KSR1: variants seen among roughly 807,000 people sequenced by gnomAD.
The protein encoded by KSR1 is kinase suppressor of ras.
In KSR1, 35 loss-of-function variants were observed where a neutral mutation model predicts 92.9. The ratio of observed to expected loss-of-function variants is 0.38; its 90% CI spans 0.29 to 0.50. The LOEUF is 0.50. KSR1 is among the 20% of genes least tolerant of loss of function. The pLI, the probability that KSR1 is intolerant of heterozygous loss-of-function variation, is 0.94. For synonymous variants in KSR1, 467 were observed against 472.6 expected (o/e 0.99, Z 0.15); for missense variants, 972 against 1,158.5 (o/e 0.84, Z 2.34).
At chr17:27,623,194 G>A (rs1075952) in intron 20 of KSR1, 120 bp from the exon 21 acceptor site, 156,614 of 696,586 alleles carry the variant, frequency 0.22, 18,251 homozygotes, top group Admixed American at 0.3. Context: ...TGGCCAATCA[G>A]TCATTTTCAT....
At chr17:27,471,310 C>T (rs773836019) in intron 1 of KSR1, among the ~76,000 whole-genome samples, 1 of 152,136 alleles carries the variant, frequency 6.6e-6, no homozygotes, top group Non-Finnish European at 1.5e-5. Flanking sequence ...AACAGACAGA[C>T]GTGCTCTCAG....
chr17:27,623,245 A>G (rs1263130576), intron 20 of KSR1, 69 bp from the exon 21 acceptor site: 5 of 724,460 alleles, frequency 6.9e-6, no homozygotes, highest in South Asian at 1.4e-5. Context: ...CTCATTTCCT[A>G]GCTAGTGTTA....
At chr17:27,462,085 G>A (rs955531137) in intron 1 of KSR1, among the ~76,000 whole-genome samples, 1 of 152,236 alleles carries the variant, frequency 6.6e-6, no homozygotes, top group African/African-American at 2.4e-5. Flanking sequence ...TGATCTTGGA[G>A]TAGAGAGGGC....
At chr17:27,622,064 C>A (rs570845047) in intron 20 of KSR1, 1 of 840,762 alleles carries the variant, frequency 1.2e-6, no homozygotes, top group South Asian at 1.4e-5. Flanking sequence ...CTGCTCCAGT[C>A]GTCTCTCTCG....
chr17:27,519,381 G>A (rs1394926099), intron 1 of KSR1, among the ~76,000 whole-genome samples: 1 of 152,140 alleles, frequency 6.6e-6, no homozygotes, highest in Non-Finnish European at 1.5e-5. Flanking sequence ...GGGAGGACAG[G>A]AAATCCCTCC....
intron 1 of KSR1, among the ~76,000 whole-genome samples, chr17:27,503,178 C>T (rs2069252687): frequency 6.6e-6 from 1 of 152,160 alleles, no homozygotes; most frequent in African/African-American, 2.4e-5. Context: ...AAAGAGTATA[C>T]TTCTTGTAAG....
At chr17:27,623,031 A>G in intron 20 of KSR1, 1 of 487,344 alleles carries the variant, frequency 2.1e-6, no homozygotes. Flanking sequence ...CAAATGAGAA[A>G]ACAATTCCTA....
At chr17:27,505,601 T>G (rs2069351719) in intron 1 of KSR1, among the ~76,000 whole-genome samples, 1 of 152,112 alleles carries the variant, frequency 6.6e-6, no homozygotes, top group Non-Finnish European at 1.5e-5. Context: ...GCGATCTCCC[T>G]GTGATTCAGT....
Position 27,609,413 on chromosome 17 carries a change from G to T in KSR1, c.2225+84G>T. 7 of 1,552,272 alleles carry T rather than the reference G, an allele frequency of 4.5e-6. No homozygotes were observed. The East Asian group carries it at 1.6e-4, about 35-fold the overall frequency. Reference sequence around the variant, plus strand: ...TGAGGTCTGGGCACTTTCACTGTTTGTTGCTGAGCTGCAGCCCTCCCTGCA... The same window carrying T: ...TGAGGTCTGGGCACTTTCACTGTTTTTTGCTGAGCTGCAGCCCTCCCTGCA... On this transcript the variant is annotated intron_variant, in intron 16 of 20. Coordinates refer to ENST00000644974, the MANE Select transcript of KSR1 (RefSeq NM_001394583.1).
chr17:27,584,759 G>C (rs1437383762), intron 4 of KSR1, among the ~76,000 whole-genome samples: 1 of 152,156 alleles, frequency 6.6e-6, no homozygotes, highest in Non-Finnish European at 1.5e-5. Context: ...CCACCTCGCT[G>C]TTCTGGTGAC....
At chr17:27,623,046 C>T (rs1005542369) in intron 20 of KSR1, 2 of 522,400 alleles carry the variant, frequency 3.8e-6, no homozygotes, top group Admixed American at 3.7e-5. Context: ...TTCCTAGGAA[C>T]CCACAGCAGT....
rs2074320636 is a variant in KSR1, at chr17:27,625,432, C to G, written c.*2040C>G. 1 of 152,240 alleles carries G rather than the reference C, an allele frequency of 6.6e-6. No homozygotes were observed. Among genetic ancestry groups the G allele is most frequent in the African/African-American group, 2.4e-5 (1 of 41,456 alleles). 9.4% of individuals were successfully genotyped at this position (152,240 alleles called of 1,614,324 possible). A position where few individuals can be genotyped will look rare whatever the true frequency, so the allele number is the denominator to read the frequency against. ...CTTGGTCTTCTGCAAGTGCTGGGCA[C>G]CTAGAGATAGGAACAGTCATGGTCC... On this transcript the variant is annotated 3_prime_UTR_variant, in exon 21 of 21. Coordinates refer to ENST00000644974, the MANE Select transcript of KSR1 (RefSeq NM_001394583.1).
intron 1 of KSR1, among the ~76,000 whole-genome samples, chr17:27,487,624 T>C (rs1016211982): frequency 2.0e-5 from 3 of 151,648 alleles, no homozygotes; most frequent in Non-Finnish European, 4.4e-5. Context: ...CTCACAGTTC[T>C]GCAGGCTGTA....
intron 7 of KSR1, among the ~76,000 whole-genome samples, chr17:27,591,344 G>A (rs1472988898): frequency 6.6e-6 from 1 of 152,206 alleles, no homozygotes; most frequent in Non-Finnish European, 1.5e-5. Flanking sequence ...TTTCTGGTGG[G>A]AAGGAAGGTC....
chr17:27,565,036 A>G (rs539404877), intron 2 of KSR1, among the ~76,000 whole-genome samples: 3 of 152,342 alleles, frequency 2.0e-5, no homozygotes, highest in Admixed American at 6.5e-5. Context: ...AGAGACAACC[A>G]TTGGCTGTTA....
rs147076630 is a variant in KSR1 at position 27,562,429 on chromosome 17, C to T, written c.372+11721C>T. Among the ~76,000 whole-genome samples the T allele has an allele frequency of 1.1e-3, 170 of 152,302 alleles. 1 individual carries two copies. The highest frequency in any genetic ancestry group is 3.9e-3 in the African/African-American group (162 of 41,560). ...GGGAGGGTGAAGACGAGGTGGCTGC[C>T]GGTGGCCTGCTGAATCCCAGGGCTC... On this transcript the variant is annotated intron_variant, in intron 2 of 20. Transcript: ENST00000644974.
At chr17:27,468,208 A>C (rs1290108234) in intron 1 of KSR1, among the ~76,000 whole-genome samples, 1 of 151,492 alleles carries the variant, frequency 6.6e-6, no homozygotes, top group Non-Finnish European at 1.5e-5. Flanking sequence ...GTGATTACCC[A>C]GCTTCAGCAA....
intron 1 of KSR1, among the ~76,000 whole-genome samples, chr17:27,540,601 G>C (rs1450951780): frequency 6.6e-6 from 1 of 152,228 alleles, no homozygotes; most frequent in Admixed American, 6.5e-5. Context: ...CCGGGAGAGG[G>C]CTGGCTGTTG....
At chr17:27,478,254 G>A (rs921492919) in intron 1 of KSR1, among the ~76,000 whole-genome samples, 1 of 152,166 alleles carries the variant, frequency 6.6e-6, no homozygotes, top group Non-Finnish European at 1.5e-5. Context: ...GTATAAAAGG[G>A]GATGGTGTCA....
Sources: gnomAD v4.1 joint callset for allele counts (sites outside exome capture counted in the v4.1 genomes callset) on GRCh38, gnomAD v4.1.1 for gene constraint, MANE v1.5 for transcripts, NCBI Gene and HGNC (gene_info 2026-07-23, HGNC 2026-07-21) for gene names.